The following TMTC2 variants were observed in gnomAD, a reference collection of about 807,000 sequenced individuals.
TMTC2 encodes the protein transmembrane O-mannosyltransferase targeting cadherins 2, also known as protein O-mannosyl-transferase TMTC2.
Under a neutral mutation model 82.4 loss-of-function variants are expected in TMTC2, and 43 were observed. That is an observed-to-expected ratio of 0.52 (90% CI 0.41 to 0.67). The LOEUF (loss-of-function observed/expected upper bound fraction) is 0.67, where lower values mean the gene tolerates loss of function less well. Ranked by LOEUF, TMTC2 falls within the 30% of genes least tolerant of loss-of-function variation. The pLI is 0.00. For synonymous variants in TMTC2, 408 were observed against 381.9 expected, an observed-to-expected ratio of 1.07 and a Z score of -0.80; for missense variants, 919 against 1,012.4, an observed-to-expected ratio of 0.91 and a Z score of 1.25.
chr12:82,998,154 T>G (rs1037581459), intron 8 of TMTC2, among the ~76,000 whole-genome samples: 7 of 152,158 alleles, frequency 4.6e-5, no homozygotes, highest in African/African-American at 1.7e-4. Context: ...TACTGTCAAG[T>G]GTGCTGTCAG....
intron 3 of TMTC2, among the ~76,000 whole-genome samples, chr12:82,908,403 A>G (rs928849349): frequency 1.3e-5 from 2 of 151,584 alleles, no homozygotes; most frequent in Non-Finnish European, 1.5e-5. Flanking sequence ...AGTTTTCCTC[A>G]TTTCTAGTTT....
In TMTC2 at chr12:82,979,586, A is replaced by G. The variant is rs369481825; in HGVS notation, c.1949-6339A>G. 9.9e-5 allele frequency among the ~76,000 whole-genome samples: 15 copies of G among 151,834 alleles called. No individual in the cohort carries two copies. In the South Asian group the frequency reaches 1.2e-3, roughly 13 times the overall value. ...TTTGTTTTGATTGGTTCATTTTTCA[A>G]TCTTTCAACTCAAGATATGAGTAAT... On this transcript the variant is annotated intron_variant, in intron 7 of 11. Transcript: ENST00000321196.
intron 1 of TMTC2, among the ~76,000 whole-genome samples, chr12:82,783,501 C>A (rs1240261905): frequency 6.6e-6 from 1 of 152,052 alleles, no homozygotes; most frequent in Non-Finnish European, 1.5e-5. Context: ...TGTGTCCCAG[C>A]TGTAAGATTC....
intron 7 of TMTC2, among the ~76,000 whole-genome samples, chr12:82,973,258 G>A (rs895727253): frequency 6.6e-6 from 1 of 152,074 alleles, no homozygotes; most frequent in Non-Finnish European, 1.5e-5. Context: ...AACTGGATTA[G>A]TCATTAATCT....
At chr12:83,039,790 A>G (rs957170089) in intron 9 of TMTC2, among the ~76,000 whole-genome samples, 1 of 152,216 alleles carries the variant, frequency 6.6e-6, no homozygotes, top group Non-Finnish European at 1.5e-5. Flanking sequence ...TGGTGATGTC[A>G]TTTCTCACCC....
chr12:83,098,546 T>C (rs1884107629), intron 11 of TMTC2, among the ~76,000 whole-genome samples: 1 of 152,232 alleles, frequency 6.6e-6, no homozygotes, highest in Non-Finnish European at 1.5e-5. Context: ...CCAAAACACA[T>C]GTTTTGTCAA....
intron 11 of TMTC2, among the ~76,000 whole-genome samples, chr12:83,069,406 G>A (rs755654574): frequency 6.6e-6 from 1 of 152,128 alleles, no homozygotes; most frequent in Non-Finnish European, 1.5e-5. Flanking sequence ...GAGTAAGGTG[G>A]TGTTGCAGTA....
intron 11 of TMTC2, among the ~76,000 whole-genome samples, chr12:83,108,883 T>TATTA (rs1884506040): frequency 6.6e-6 from 1 of 152,216 alleles, no homozygotes; most frequent in African/African-American, 2.4e-5. Flanking sequence ...AGTTTATTCT[T>TATTA]ATTAATATGT....
chr12:82,920,168 A>G (rs1012204573), intron 3 of TMTC2, among the ~76,000 whole-genome samples: 5 of 152,156 alleles, frequency 3.3e-5, no homozygotes, highest in Non-Finnish European at 5.9e-5. Flanking sequence ...TAATTAATGA[A>G]TATATATAAT....
At chr12:82,985,557 G>A (rs1407356967) in intron 7 of TMTC2, among the ~76,000 whole-genome samples, 1 of 151,394 alleles carries the variant, frequency 6.6e-6, no homozygotes, top group African/African-American at 2.4e-5. Context: ...ATTTCTAAAG[G>A]AATAAATGAA....
At chr12:82,897,613 C>A (rs1311594519) in intron 3 of TMTC2, among the ~76,000 whole-genome samples, 2 of 152,106 alleles carry the variant, frequency 1.3e-5, no homozygotes, top group East Asian at 3.9e-4. Context: ...GCAACCTCCA[C>A]CTCCTGGGTT....
At chr12:82,825,854 G>GCACACACACA (rs113069531) in intron 1 of TMTC2, among the ~76,000 whole-genome samples, 28 of 147,614 alleles carry the variant, frequency 1.9e-4, no homozygotes, top group African/African-American at 6.9e-4. Flanking sequence ...GATAGGGAAA[G>GCACACACACA]CACACACACA....
chr12:82,699,972 T>G (rs79913750), intron 1 of TMTC2, among the ~76,000 whole-genome samples: 5,021 of 152,272 alleles, frequency 0.033, 184 homozygotes, highest in East Asian at 0.12. Context: ...TATATTTATA[T>G]AGTACTTGTA....
At chr12:82,895,404 A>G (rs1873607570) in intron 2 of TMTC2, among the ~76,000 whole-genome samples, 1 of 152,188 alleles carries the variant, frequency 6.6e-6, no homozygotes, top group Admixed American at 6.5e-5. Flanking sequence ...CTAAACTACG[A>G]TAAAATGAAA....
intron 3 of TMTC2, among the ~76,000 whole-genome samples, chr12:82,903,479 T>C (rs2137195303): frequency 6.6e-6 from 1 of 152,314 alleles, no homozygotes. Context: ...TGGCGCGATC[T>C]CGCCTCACTG....
chr12:82,895,076 C>G (rs1162814048), intron 2 of TMTC2, among the ~76,000 whole-genome samples: 2 of 151,496 alleles, frequency 1.3e-5, no homozygotes, highest in Non-Finnish European at 2.9e-5. Context: ...CTCAGCCTCC[C>G]AAAGTTCTGG....
At chr12:82,996,966 G>GGTTA (rs1222933030) in intron 8 of TMTC2, among the ~76,000 whole-genome samples, 2 of 152,090 alleles carry the variant, frequency 1.3e-5, no homozygotes, top group Admixed American at 6.5e-5. Context: ...ATCTCAAAGA[G>GGTTA]GTTACATCAG....
chr12:82,899,741 AAT>A (rs950083072), intron 3 of TMTC2, among the ~76,000 whole-genome samples: 8 of 121,196 alleles, frequency 6.6e-5, no homozygotes, highest in African/African-American at 1.6e-4. Flanking sequence ...ATATATGTGG[AAT>A]ATATATATAT....
chr12:83,012,764 T>A (rs144918460), intron 8 of TMTC2, among the ~76,000 whole-genome samples: 105 of 152,296 alleles, frequency 6.9e-4, no homozygotes, highest in Admixed American at 2.2e-3. Context: ...ATTTGTAGAA[T>A]TTCATGAACA....
Sources: gnomAD v4.1 joint callset for allele counts (sites outside exome capture counted in the v4.1 genomes callset) on GRCh38, gnomAD v4.1.1 for gene constraint, MANE v1.5 for transcripts, NCBI Gene and HGNC (gene_info 2026-07-23, HGNC 2026-07-21) for gene names.